The following KAZN variants were observed in gnomAD, a reference collection of about 807,000 sequenced individuals.
KAZN encodes kazrin.
Under a neutral mutation model 87.4 loss-of-function variants are expected in KAZN, and 40 were observed. The ratio of observed to expected loss-of-function variants is 0.46; its 90% confidence interval spans 0.36 to 0.60. KAZN has a LOEUF of 0.60. Ranked by LOEUF, KAZN falls within the 20% of genes least tolerant of loss-of-function variation. The pLI is 0.00. For missense variants in KAZN, 898 were observed against 1,073.9 expected (o/e 0.84, Z 2.29); for synonymous variants, 466 against 458.3 (o/e 1.02, Z -0.22).
intron 2 of KAZN, among the ~76,000 whole-genome samples, chr1:14,333,421 G>A (rs1024698457): frequency 6.6e-6 from 1 of 152,168 alleles, no homozygotes; most frequent in African/African-American, 2.4e-5. Context: ...AAAAATGACA[G>A]CTGCTCCAGC....
At chr1:14,404,750 GA>G (rs1663692796) in intron 2 of KAZN, among the ~76,000 whole-genome samples, 1 of 152,148 alleles carries the variant, frequency 6.6e-6, no homozygotes, top group African/African-American at 2.4e-5. Flanking sequence ...AAAATAGTAA[GA>G]AAAACAAACT....
At chr1:14,244,443 G>C (rs1401985596) in intron 2 of KAZN, among the ~76,000 whole-genome samples, 1 of 152,180 alleles carries the variant, frequency 6.6e-6, no homozygotes, top group Non-Finnish European at 1.5e-5. Context: ...CATTTGTTCA[G>C]TAATTTATTC....
At chr1:13,914,015 G>A (rs578039008) in intron 1 of KAZN, among the ~76,000 whole-genome samples, 73 of 152,312 alleles carry the variant, frequency 4.8e-4, no homozygotes, top group Non-Finnish European at 8.2e-4. Flanking sequence ...GGTGAGGCCC[G>A]GTAATCCGAG....
At chr1:14,566,075 C>G (rs1372920191) in intron 2 of KAZN, among the ~76,000 whole-genome samples, 1 of 152,142 alleles carries the variant, frequency 6.6e-6, no homozygotes, top group East Asian at 1.9e-4. Context: ...TTACTCAGGC[C>G]CATCAGAGGA....
intron 1 of KAZN, among the ~76,000 whole-genome samples, chr1:14,024,291 C>T (rs916070466): frequency 5.3e-5 from 8 of 152,116 alleles, no homozygotes; most frequent in African/African-American, 1.9e-4. Context: ...GTTTATGCAG[C>T]CATTTAAAGT....
At chr1:13,922,729 G>A (rs1640113646) in intron 1 of KAZN, among the ~76,000 whole-genome samples, 1 of 152,202 alleles carries the variant, frequency 6.6e-6, no homozygotes, top group African/African-American at 2.4e-5. Flanking sequence ...ACCAATCAGG[G>A]CAGCTGGCAT....
chr1:14,528,187 A>C (rs958475056), intron 2 of KAZN, among the ~76,000 whole-genome samples: 1 of 151,594 alleles, frequency 6.6e-6, no homozygotes, highest in Non-Finnish European at 1.5e-5. Context: ...AAAATACAAA[A>C]ATTAGCTGGG....
At chr1:14,343,791 C>G (rs1657908942) in intron 2 of KAZN, among the ~76,000 whole-genome samples, 1 of 152,164 alleles carries the variant, frequency 6.6e-6, no homozygotes, top group African/African-American at 2.4e-5. Context: ...TTTTGAGACC[C>G]ATTTTGAGGC....
At chr1:14,595,129 C>T (rs1378873779), upstream of KAZN, among the ~76,000 whole-genome samples, 1 of 112,136 alleles carries the variant, frequency 8.9e-6, no homozygotes, top group East Asian at 2.4e-4. Flanking sequence ...GGGAGACAGA[C>T]CAAGACTCCA....
intron 1 of KAZN, among the ~76,000 whole-genome samples, chr1:14,808,487 G>A (rs1014596998): frequency 1.7e-4 from 25 of 150,818 alleles, no homozygotes; most frequent in Non-Finnish European, 2.4e-4. Flanking sequence ...TAGTAGAGAC[G>A]GGGTTTCACC....
chr1:14,375,979 G>A (rs1264777570), intron 2 of KAZN, among the ~76,000 whole-genome samples: 1 of 151,636 alleles, frequency 6.6e-6, no homozygotes, highest in Non-Finnish European at 1.5e-5. Context: ...AGTATGTATG[G>A]AGCCAAGGCC....
intron 1 of KAZN, among the ~76,000 whole-genome samples, chr1:14,788,469 G>GCTTACAGAA (rs142517182): frequency 0.026 from 3,953 of 152,228 alleles, 172 homozygotes; most frequent in African/African-American, 0.089. Context: ...TGGGGAGGCA[G>GCTTACAGAA]CCTTCAAGAA....
intron 1 of KAZN, among the ~76,000 whole-genome samples, chr1:14,814,684 G>A (rs994748455): frequency 1.2e-4 from 19 of 152,152 alleles, no homozygotes; most frequent in African/African-American, 3.9e-4. Context: ...GGGGTACACC[G>A]AGGCTTCCTT....
At chr1:14,753,991 A>G (rs752359882) in intron 1 of KAZN, among the ~76,000 whole-genome samples, 3 of 152,092 alleles carry the variant, frequency 2.0e-5, no homozygotes, top group African/African-American at 4.8e-5. Context: ...AATGTGGGTG[A>G]CCAGAGCTTC....
chr1:14,991,174 G>C (rs950661790), intron 2 of KAZN, among the ~76,000 whole-genome samples: 1 of 151,954 alleles, frequency 6.6e-6, no homozygotes, highest in African/African-American at 2.4e-5. Flanking sequence ...CCAAAATGGC[G>C]AAACCCCATC....
intron 6 of KAZN, chr1:15,061,598 C>T (rs1353402054): frequency 6.6e-6 from 1 of 152,214 alleles, no homozygotes; most frequent in Non-Finnish European, 1.5e-5. Context: ...CAGCTCACTG[C>T]AACCAACACC....
At chr1:14,325,692 G>C (rs1411903514) in intron 2 of KAZN, among the ~76,000 whole-genome samples, 1 of 152,200 alleles carries the variant, frequency 6.6e-6, no homozygotes, top group African/African-American at 2.4e-5. Flanking sequence ...TAAGTAGGTA[G>C]AAGAAAGAAC....
intron 2 of KAZN, among the ~76,000 whole-genome samples, chr1:14,408,101 C>G (rs1275256207): frequency 6.6e-6 from 1 of 152,108 alleles, no homozygotes; most frequent in Non-Finnish European, 1.5e-5. Flanking sequence ...GAGAATGATC[C>G]CCAATTAGGA....
chr1:15,114,129 A>G, intron 14 of KAZN: 1 of 205,308 alleles, frequency 4.9e-6, no homozygotes, highest in Admixed American at 5.4e-5. Context: ...TCTCACAGGT[A>G]GTCTCCAGGA....
Sources: gnomAD v4.1 joint callset for allele counts (sites outside exome capture counted in the v4.1 genomes callset) on GRCh38, gnomAD v4.1.1 for gene constraint, MANE v1.5 for transcripts, NCBI Gene and HGNC (gene_info 2026-07-23, HGNC 2026-07-21) for gene names.